Variants in HYDIN observed in about 807,000 individuals in gnomAD.
HYDIN encodes the protein HYDIN axonemal central pair apparatus protein, also known as axonemal central pair apparatus protein HYDIN.
HYDIN carries 132 observed loss-of-function variants against 403.9 expected under a neutral mutation model. That is an observed-to-expected ratio of 0.33 (90% CI 0.28 to 0.38). The LOEUF is 0.38. Ranked by LOEUF, HYDIN falls within the 10% of genes least tolerant of loss-of-function variation. HYDIN has a pLI of 1.00. For synonymous variants in HYDIN, 1,202 were observed against 1,891.7 expected (o/e 0.64, Z 9.46); for missense variants, 2,827 against 5,009.5 (o/e 0.56, Z 13.15).
intron 29 of HYDIN, among the ~76,000 whole-genome samples, 171 bp from the exon 30 acceptor site, chr16:70,979,212 G>T (rs1798545): frequency 0.49 from 62,448 of 126,554 alleles, 17,505 homozygotes; most frequent in African/African-American, 0.75. Flanking sequence ...GTGAGGTGAT[G>T]TGAGAGTTGA....
At chr16:71,068,181 G>A (rs2082338876) in intron 14 of HYDIN, among the ~76,000 whole-genome samples, 1 of 149,444 alleles carries the variant, frequency 6.7e-6, no homozygotes, top group Non-Finnish European at 1.5e-5. Flanking sequence ...GACTTGTTAT[G>A]ATTTTTAATT....
At chr16:71,066,629 C>T (rs2082278157) in intron 15 of HYDIN, 1 of 269,110 alleles carries the variant, frequency 3.7e-6, no homozygotes, top group African/African-American at 2.2e-5. Flanking sequence ...ATCACATCAT[C>T]ATTAGTCGAT....
intron 18 of HYDIN, among the ~76,000 whole-genome samples, chr16:71,038,144 T>A (rs963668841): frequency 1.3e-5 from 2 of 151,988 alleles, no homozygotes; most frequent in African/African-American, 4.8e-5. Flanking sequence ...CTGCAGGGAA[T>A]ATGACTGTGC....
rs201426082 is a variant in HYDIN, at chr16:71,067,250, C to T, written c.2075+40G>A. 121 of 1,308,208 alleles carry T rather than the reference C, an allele frequency of 9.2e-5. No homozygotes were observed. The East Asian group carries it at 2.0e-3, about 21-fold the overall frequency. The allele number at this position is 1,308,208 out of a possible 1,614,324, so 81.0% of individuals were successfully genotyped here. A position where few individuals can be genotyped will look rare whatever the true frequency, so the allele number is the denominator to read the frequency against. On this transcript the variant is annotated intron_variant, in intron 15 of 85. Transcript: ENST00000393567. ...GGGAGGCAGCCCATTACTGGAGGCT[C>T]GGGGGCGACTCAGGAGAAGAGCAAG...
rs111366498 is a variant in HYDIN, at chr16:71,188,716, A to C, written c.-23-1798T>G. On this transcript the variant is annotated intron_variant, in intron 1 of 85. Transcript: ENST00000393567. ...TAGTAAGACCTGTTAGGTGGACAAA[A>C]AATAAGTAAGACCATAAAAGATTTG... Among the ~76,000 whole-genome samples the C allele has an allele frequency of 8.5e-3, 1,294 of 152,290 alleles. 17 individuals are homozygous for C. Among genetic ancestry groups the C allele is most frequent in the African/African-American group, 0.03 (1,230 of 41,564 alleles).
intron 5 of HYDIN, among the ~76,000 whole-genome samples, chr16:71,173,846 G>A (rs1415897544): frequency 6.6e-6 from 1 of 152,044 alleles, no homozygotes; most frequent in African/African-American, 2.4e-5. Flanking sequence ...CAGATACAAC[G>A]ATACTTATCC....
At chr16:70,898,163 T>C (rs1485726269) in intron 53 of HYDIN, among the ~76,000 whole-genome samples, 1 of 152,178 alleles carries the variant, frequency 6.6e-6, no homozygotes, top group African/African-American at 2.4e-5. Context: ...AGTGAGACCC[T>C]GTGTCAAGAA....
chr16:71,192,983 C>T (rs748146376), intron 1 of HYDIN, among the ~76,000 whole-genome samples: 25 of 152,180 alleles, frequency 1.6e-4, no homozygotes, highest in Non-Finnish European at 3.2e-4. Context: ...TCTGTTCATC[C>T]TACAAAACCC....
chr16:70,932,286 C>T (rs770040937), intron 45 of HYDIN, among the ~76,000 whole-genome samples: 13 of 151,882 alleles, frequency 8.6e-5, no homozygotes, highest in Non-Finnish European at 1.6e-4. Flanking sequence ...ACATGGGAAG[C>T]GGAGGTTGCA....
At chr16:71,199,195 C>T (rs1598011617) in intron 1 of HYDIN, among the ~76,000 whole-genome samples, 1 of 152,168 alleles carries the variant, frequency 6.6e-6, no homozygotes, top group Admixed American at 6.5e-5. Flanking sequence ...CTTTTTCTTA[C>T]TGATGTGCAG....
chr16:71,074,507 C>T (rs1474812509), intron 13 of HYDIN, among the ~76,000 whole-genome samples: 1 of 151,286 alleles, frequency 6.6e-6, no homozygotes, highest in Non-Finnish European at 1.5e-5. Context: ...CATGGTGAAA[C>T]CCCGTCTCTA....
At chr16:71,058,623 A>T (rs12102894) in intron 18 of HYDIN, among the ~76,000 whole-genome samples, 2 of 52,372 alleles carry the variant, frequency 3.8e-5, no homozygotes, top group Middle Eastern at 0.01. Context: ...TAAAATTAAA[A>T]AAAAAAAAAA....
intron 84 of HYDIN, among the ~76,000 whole-genome samples, chr16:70,811,081 G>C (rs1379772773): frequency 2.0e-5 from 3 of 152,020 alleles, no homozygotes; most frequent in Non-Finnish European, 4.4e-5. Flanking sequence ...CTTTTATATA[G>C]GTAAAATTTG....
rs371990023 is a variant in HYDIN at position 70,804,019 on chromosome 16, G to A, written c.*3561C>T. Among the ~76,000 whole-genome samples the A allele has an allele frequency of 3.5e-4, 53 of 152,318 alleles. 1 individual carries two copies. The highest frequency in any genetic ancestry group is 1.3e-3 in the African/African-American group (52 of 41,578). The stretch of plus-strand genomic sequence containing the variant: ...TCCAATGTAACTTCCACAAGCATGT[G>A]TTGGAAGGGTTATTTTCATCAAGCC... On this transcript the variant is annotated 3_prime_UTR_variant, in exon 86 of 86. Transcript: ENST00000393567.
At chr16:71,214,908 C>T (rs983064096) in intron 1 of HYDIN, among the ~76,000 whole-genome samples, 7 of 152,194 alleles carry the variant, frequency 4.6e-5, no homozygotes, top group African/African-American at 1.7e-4. Context: ...ACACTCAAGT[C>T]CTAGACTCAG....
intron 10 of HYDIN, among the ~76,000 whole-genome samples, chr16:71,098,718 C>G (rs1157398223): frequency 4.2e-5 from 6 of 142,830 alleles, no homozygotes; most frequent in Non-Finnish European, 9.0e-5. Context: ...CATCTGTTAC[C>G]TTGACTGCCT....
At position 70,981,518 on chromosome 16, in the gene HYDIN, A is replaced by AG. The variant is rs781110416; in HGVS notation, c.4382dup (p.Gly1462TrpfsTer4). 1.2e-6 allele frequency: 2 copies of AG among 1,613,444 alleles called. No homozygotes were observed. Among genetic ancestry groups the AG allele is most frequent in the Non-Finnish European group, 1.7e-6 (2 of 1,179,768 alleles). On this transcript the variant is annotated frameshift_variant, in exon 29 of 86. Transcript: ENST00000393567. LOFTEE classifies it high-confidence loss of function. The stretch of plus-strand genomic sequence containing the variant: ...TCCTTTTAAAGACCTCAGGTACTCC[A>AG]GGTAGGTAGTAAACTTTTAATACCT...
intron 9 of HYDIN, among the ~76,000 whole-genome samples, chr16:71,124,005 G>C (rs548461484): frequency 6.6e-6 from 1 of 151,726 alleles, no homozygotes; most frequent in Admixed American, 6.6e-5. Flanking sequence ...AATATTCTCT[G>C]GGTCATTACT....
intron 18 of HYDIN, among the ~76,000 whole-genome samples, chr16:71,034,139 G>C (rs1217526724): frequency 6.6e-6 from 1 of 152,000 alleles, no homozygotes; most frequent in Non-Finnish European, 1.5e-5. Flanking sequence ...GCATACAGTA[G>C]AAAACAATGG....
Sources: allele counts gnomAD v4.1 joint callset (sites outside exome capture counted in the v4.1 genomes callset), GRCh38; gene constraint gnomAD v4.1.1; transcripts MANE v1.5; gene names NCBI Gene and HGNC (gene_info 2026-07-23, HGNC 2026-07-21).